GNAS: variants seen among roughly 807,000 people sequenced by gnomAD.
GNAS encodes the protein GNAS complex locus, also known as protein ALEX.
GNAS carries 8 observed loss-of-function variants against 54.5 expected under a neutral mutation model. The ratio of observed to expected loss-of-function variants is 0.15; its 90% CI spans 0.09 to 0.26. The LOEUF (loss-of-function observed/expected upper bound fraction) is 0.26. Ranked by LOEUF, GNAS falls within the 10% of genes least tolerant of loss-of-function variation. The pLI is 1.00. For missense variants in GNAS, 170 were observed against 529.8 expected, an observed-to-expected ratio of 0.32 and a Z score of 6.67; for synonymous variants, 204 against 191.4, an observed-to-expected ratio of 1.07 and a Z score of -0.54.
chr20:58,844,707 A>G lies in GNAS; in HGVS notation c.43+3821A>G, dbSNP rs184933158. Among the ~76,000 whole-genome samples, 23 of 152,220 alleles carry G rather than the reference A, an allele frequency of 1.5e-4. No individual in the cohort carries two copies. In the Middle Eastern group the frequency reaches 0.017, roughly 113 times the overall value. On this transcript the variant is annotated intron_variant, in intron 1 of 12. Coordinates refer to the GNAS transcript ENST00000306090. Reference sequence around the variant, plus strand: ...GTGATTTAACCCTAATGGAACTCCCAAAAAACATCGAAAGTTGCTCAAATA... The same window carrying G: ...GTGATTTAACCCTAATGGAACTCCCGAAAAACATCGAAAGTTGCTCAAATA...
At chr20:58,888,969 GGCCCCCGC>G (rs1416588054), upstream of GNAS, 2 of 629,540 alleles carry the variant, frequency 3.2e-6, no homozygotes, top group South Asian at 6.9e-5. Context: ...CCGCCATCGC[GGCCCCCGC>G]GCCCCCGGCC....
chr20:58,862,247 T>G (rs1568936985), intron 1 of GNAS, among the ~76,000 whole-genome samples: 1 of 151,898 alleles, frequency 6.6e-6, no homozygotes, highest in Admixed American at 6.6e-5. Context: ...AACCTCTGCC[T>G]CCCGGGTTCA....
chr20:58,868,513 G>C (rs1012308648), intron 1 of GNAS, among the ~76,000 whole-genome samples: 1 of 150,268 alleles, frequency 6.7e-6, no homozygotes, highest in Non-Finnish European at 1.5e-5. Flanking sequence ...GATTTCAGAT[G>C]TTAAGGCAGG....
Position 58,891,513 on chromosome 20 carries a change from C to G in GNAS, c.-214C>G, listed in dbSNP as rs1600969431. 5.7e-5 allele frequency: 56 copies of G among 974,930 alleles called. No homozygotes were observed. In the South Asian group the frequency reaches 2.2e-3, roughly 38 times the overall value. The allele number at this position is 974,930 out of a possible 1,614,324, so 60.4% of individuals were successfully genotyped here. On this transcript the variant is annotated 5_prime_UTR_variant, in exon 1 of 13. Transcript: ENST00000371085. The stretch of plus-strand genomic sequence containing the variant: ...GGCTCGAGGGGCGGGGAGCTGCGCG[C>G]GCCCCTCGGTCCGACCGACACCCTC...
chr20:58,864,666 G>C (rs1465656194), intron 1 of GNAS, among the ~76,000 whole-genome samples: 2 of 152,184 alleles, frequency 1.3e-5, no homozygotes, highest in African/African-American at 4.8e-5. Context: ...AGGCAAAGAA[G>C]GGTCCCCCTT....
At chr20:58,891,100 G>T (rs2089200823), upstream of GNAS, among the ~76,000 whole-genome samples, 1 of 146,272 alleles carries the variant, frequency 6.8e-6, no homozygotes. Context: ...CTCCCCCCTC[G>T]GCTCAGCCGG....
At chr20:58,906,208 T>TG (rs2091033320) in intron 6 of GNAS, among the ~76,000 whole-genome samples, 2 of 152,182 alleles carry the variant, frequency 1.3e-5, no homozygotes, top group African/African-American at 2.4e-5. Flanking sequence ...GCAGTAGCAA[T>TG]GGGAAAAGCA....
At chr20:58,871,669 G>A in intron 1 of GNAS, among the ~76,000 whole-genome samples, 1 of 135,270 alleles carries the variant, frequency 7.4e-6, no homozygotes, top group Non-Finnish European at 1.6e-5. Context: ...AAAAGGGAGA[G>A]AGAGGAGGAA....
upstream of GNAS, among the ~76,000 whole-genome samples, chr20:58,891,091 T>G (rs938393555): frequency 2.1e-5 from 3 of 143,076 alleles, no homozygotes; most frequent in South Asian, 2.6e-4. Flanking sequence ...ACGCCCCCTC[T>G]CCCCCCTCGG....
At chr20:58,847,988 G>A (rs1300823618) in intron 1 of GNAS, among the ~76,000 whole-genome samples, 1 of 152,210 alleles carries the variant, frequency 6.6e-6, no homozygotes, top group Non-Finnish European at 1.5e-5. Context: ...TCCAAGGAAC[G>A]GGGCTGTAAT....
Position 58,891,619 on chromosome 20 carries a change from C to T in GNAS, c.-108C>T. 1 of 969,584 alleles carries T rather than the reference C, an allele frequency of 1.0e-6. No homozygotes were observed. The highest frequency in any genetic ancestry group is 4.7e-5 in the South Asian group (1 of 21,242). 60.1% of individuals were successfully genotyped at this position (969,584 alleles called of 1,614,324 possible). On this transcript the variant is annotated 5_prime_UTR_variant, in exon 1 of 13. Transcript: ENST00000371085. ...GCTCCTTGCCGAGGAGCCGAGCCCG[C>T]GCCCGGCCCGCCCGCCCGGCGCTGC...
chr20:58,859,713 G>C (rs2086683548), intron 1 of GNAS, among the ~76,000 whole-genome samples: 1 of 150,426 alleles, frequency 6.6e-6, no homozygotes, highest in South Asian at 2.1e-4. Flanking sequence ...TACAACCTCT[G>C]CCTCCTGGGT....
rs1051835197 is a variant in GNAS, at chr20:58,857,745, G to A, written c.43+16859G>A. On this transcript the variant is annotated intron_variant, in intron 1 of 12. Coordinates refer to the GNAS transcript ENST00000306090. This position sits in a 1 kb window ranked among gnomAD's most constrained non-coding sequence, Gnocchi z 4.1. The stretch of plus-strand genomic sequence containing the variant: ...AGATTGTGCAGCCATCAATCCTGCA[G>A]CAAACTGTCCATGTTTGGGACCAGT... 3.3e-5 allele frequency among the ~76,000 whole-genome samples: 5 copies of A among 152,310 alleles called. No homozygotes were observed. The highest frequency in any genetic ancestry group is 1.2e-4 in the African/African-American group (5 of 41,558).
At chr20:58,846,199 A>C (rs1391244218) in intron 1 of GNAS, among the ~76,000 whole-genome samples, 1 of 152,218 alleles carries the variant, frequency 6.6e-6, no homozygotes, top group East Asian at 1.9e-4. Flanking sequence ...TCACAAAGCC[A>C]GGAAATTTGG....
chr20:58,883,242 T>G (rs2088364572), intron 1 of GNAS, among the ~76,000 whole-genome samples: 1 of 152,226 alleles, frequency 6.6e-6, no homozygotes, highest in East Asian at 1.9e-4. Context: ...ACTGGCTATA[T>G]TTAGTTTTTT....
In GNAS at chr20:58,909,844, A is replaced by C; in HGVS notation, c.839+40A>C. The C allele has an allele frequency of 6.2e-7, 1 of 1,612,588 alleles. No individual in the cohort carries two copies. The highest frequency in any genetic ancestry group is 8.5e-7 in the Non-Finnish European group (1 of 1,179,578). ...CGCCCACCCCCTGCGCTTGCCCAGG[A>C]GGCCCTGGTCTGCACTGTTTATAGA... On this transcript the variant is annotated intron_variant, in intron 10 of 12. Transcript: ENST00000371085. The surrounding 1 kb of genome is among the most constrained non-coding windows in gnomAD (Gnocchi z 7.3).
upstream of GNAS, among the ~76,000 whole-genome samples, chr20:58,886,554 C>T (rs1033690013): frequency 5.3e-5 from 8 of 152,044 alleles, no homozygotes; most frequent in Admixed American, 5.2e-4. Context: ...AATAGATTGC[C>T]CCACTTTCAA....
chr20:58,886,608 C>G (rs1426945354), upstream of GNAS, among the ~76,000 whole-genome samples: 1 of 151,804 alleles, frequency 6.6e-6, no homozygotes, highest in Non-Finnish European at 1.5e-5. Flanking sequence ...AATTAAATTA[C>G]TAACTCATAT....
intron 3 of GNAS, among the ~76,000 whole-genome samples, chr20:58,899,704 T>C (rs1272287475): frequency 6.6e-6 from 1 of 151,036 alleles, no homozygotes; most frequent in East Asian, 1.9e-4. Flanking sequence ...CGCACACACA[T>C]CACACGCACA....
Sources: allele counts gnomAD v4.1 joint callset (sites outside exome capture counted in the v4.1 genomes callset), GRCh38; gene constraint gnomAD v4.1.1; non-coding constraint Gnocchi (gnomAD v3.1); transcripts MANE v1.5; gene names NCBI Gene and HGNC (gene_info 2026-07-23, HGNC 2026-07-21).